Variants in LINGO2 observed in about 807,000 individuals in gnomAD.
The protein encoded by LINGO2 is leucine rich repeat and Ig domain containing 2.
Under a neutral mutation model 30.6 loss-of-function variants are expected in LINGO2, and 14 were observed. The ratio of observed to expected loss-of-function variants is 0.46; its 90% CI spans 0.30 to 0.72. The LOEUF is 0.72. LINGO2 is among the 30% of genes least tolerant of loss of function. The pLI, the probability that LINGO2 is intolerant of heterozygous loss-of-function variation, is 0.07. For synonymous variants in LINGO2, 317 were observed against 288.5 expected (o/e 1.10, Z -1.00); for missense variants, 729 against 751.7 (o/e 0.97, Z 0.35).
chr9:28,895,612 T>C, the LINGO2 span, among the ~76,000 whole-genome samples: 1 of 152,162 alleles, frequency 6.6e-6, no homozygotes, highest in Admixed American at 6.5e-5. Flanking sequence ...AGCGCATACA[T>C]ATTCCCATTT....
intron 5 of LINGO2, among the ~76,000 whole-genome samples, chr9:27,967,419 C>G (rs1820152407): frequency 6.6e-6 from 1 of 152,094 alleles, no homozygotes; most frequent in Non-Finnish European, 1.5e-5. Flanking sequence ...AGTCAGAACT[C>G]AGTCATGTGG....
At chr9:28,997,590 A>G in the LINGO2 span, among the ~76,000 whole-genome samples, 2 of 152,150 alleles carry the variant, frequency 1.3e-5, no homozygotes, top group African/African-American at 4.8e-5. Context: ...TTGGGAGGCC[A>G]AGGCTGGCGG....
At chr9:28,009,950 C>T (rs1368266610) in intron 5 of LINGO2, among the ~76,000 whole-genome samples, 1 of 152,006 alleles carries the variant, frequency 6.6e-6, no homozygotes, top group Non-Finnish European at 1.5e-5. Flanking sequence ...TTCATAATAG[C>T]CAAAAAGTAG....
chr9:28,449,530 T>C (rs1824565567), intron 2 of LINGO2, among the ~76,000 whole-genome samples: 1 of 152,082 alleles, frequency 6.6e-6, no homozygotes, highest in South Asian at 2.1e-4. Flanking sequence ...CAAAGTAAAA[T>C]GCTATTTTAT....
chr9:28,165,652 C>T (rs1156350227), intron 4 of LINGO2, among the ~76,000 whole-genome samples: 1 of 152,156 alleles, frequency 6.6e-6, no homozygotes, highest in East Asian at 1.9e-4. Flanking sequence ...TAATTGTTTT[C>T]CCTTTTTTCC....
At chr9:28,218,334 T>G (rs1175683673) in intron 4 of LINGO2, among the ~76,000 whole-genome samples, 2 of 151,592 alleles carry the variant, frequency 1.3e-5, no homozygotes, top group African/African-American at 4.8e-5. Flanking sequence ...AAAAATGAGG[T>G]CCCTAAGCTA....
the LINGO2 span, among the ~76,000 whole-genome samples, chr9:29,188,860 G>C: frequency 8.3e-5 from 12 of 144,736 alleles, no homozygotes; most frequent in South Asian, 2.7e-3. Flanking sequence ...CTCCCAGACA[G>C]GGCGGCTGGC....
intron 4 of LINGO2, among the ~76,000 whole-genome samples, chr9:28,188,409 A>G (rs1426725410): frequency 6.6e-6 from 1 of 152,172 alleles, no homozygotes; most frequent in Non-Finnish European, 1.5e-5. Context: ...ATTAATGGCC[A>G]TCCTCTCTTC....
At chr9:28,556,068 C>T (rs1365976498) in intron 1 of LINGO2, among the ~76,000 whole-genome samples, 1 of 152,026 alleles carries the variant, frequency 6.6e-6, no homozygotes, top group African/African-American at 2.4e-5. Flanking sequence ...TGGAAGCATT[C>T]CCTCTGAAAA....
At chr9:28,831,638 TA>T in the LINGO2 span, among the ~76,000 whole-genome samples, 1 of 151,406 alleles carries the variant, frequency 6.6e-6, no homozygotes, top group East Asian at 1.9e-4. Context: ...TAGTAAAAAG[TA>T]AAAAAAATAG....
At chr9:28,361,277 GTTA>G (rs1335608548) in intron 3 of LINGO2, among the ~76,000 whole-genome samples, 2 of 152,096 alleles carry the variant, frequency 1.3e-5, no homozygotes, top group African/African-American at 4.8e-5. Context: ...TTAATTATTA[GTTA>G]TTGTTGTTCA....
intron 1 of LINGO2, among the ~76,000 whole-genome samples, chr9:28,503,411 G>A (rs1026139931): frequency 6.6e-6 from 1 of 151,912 alleles, no homozygotes; most frequent in Non-Finnish European, 1.5e-5. Flanking sequence ...CTTCCACGTG[G>A]AACACATGTT....
At chr9:28,992,468 T>C in the LINGO2 span, among the ~76,000 whole-genome samples, 7 of 145,390 alleles carry the variant, frequency 4.8e-5, no homozygotes, top group South Asian at 4.4e-4. Context: ...GAGACAAAGT[T>C]AACAAGGATA....
chr9:29,007,442 A>T, the LINGO2 span, among the ~76,000 whole-genome samples: 1,007 of 152,210 alleles, frequency 6.6e-3, 15 homozygotes, highest in African/African-American at 0.023. Flanking sequence ...TGTATTTATA[A>T]TGGAAGATGG....
At chr9:28,750,243 G>T in the LINGO2 span, among the ~76,000 whole-genome samples, 2 of 152,144 alleles carry the variant, frequency 1.3e-5, no homozygotes, top group Non-Finnish European at 2.9e-5. Flanking sequence ...TATGAAAGCT[G>T]AGAGTAGAAG....
At chr9:28,119,138 T>A (rs1377390064) in intron 4 of LINGO2, among the ~76,000 whole-genome samples, 1 of 152,194 alleles carries the variant, frequency 6.6e-6, no homozygotes, top group Non-Finnish European at 1.5e-5. Context: ...GAATAAATTC[T>A]AGCAAAATCT....
chr9:28,611,484 C>G (rs1825913869), intron 1 of LINGO2, among the ~76,000 whole-genome samples: 1 of 152,074 alleles, frequency 6.6e-6, no homozygotes. Context: ...ATCTCCAGAA[C>G]TTACTCATCC....
chr9:28,450,928 C>T (rs1248708195), intron 2 of LINGO2, among the ~76,000 whole-genome samples: 2 of 151,922 alleles, frequency 1.3e-5, no homozygotes. Flanking sequence ...GATTTTATCA[C>T]TTAATTGTGG....
At chr9:28,468,211 C>T (rs1251734188) in intron 2 of LINGO2, among the ~76,000 whole-genome samples, 3 of 152,098 alleles carry the variant, frequency 2.0e-5, no homozygotes, top group Non-Finnish European at 4.4e-5. Flanking sequence ...GTTTTACTTG[C>T]CTTTGCCCCA....
Sources: gnomAD v4.1 joint callset for allele counts (sites outside exome capture counted in the v4.1 genomes callset) on GRCh38, gnomAD v4.1.1 for gene constraint, MANE v1.5 for transcripts, NCBI Gene and HGNC (gene_info 2026-07-23, HGNC 2026-07-21) for gene names.